The following PTPRG variants were observed in gnomAD, a reference collection of about 807,000 sequenced individuals.
PTPRG encodes the protein receptor-type tyrosine-protein phosphatase gamma.
In PTPRG, 102 loss-of-function variants were observed where a neutral mutation model predicts 165.3. That is an observed-to-expected ratio of 0.62 (90% CI 0.53 to 0.73). PTPRG has a LOEUF of 0.73. PTPRG is among the 30% of genes least tolerant of loss of function. The pLI is 0.00. For synonymous variants in PTPRG, 675 were observed against 669.5 expected, an observed-to-expected ratio of 1.01 and a Z score of -0.13; for missense variants, 1,866 against 1,861.4, an observed-to-expected ratio of 1.00 and a Z score of -0.05.
chr3:61,600,192 A>ATGTGTGTG (rs1258297289), intron 1 of PTPRG, among the ~76,000 whole-genome samples: 45 of 106,634 alleles, frequency 4.2e-4, no homozygotes, highest in African/African-American at 1.4e-3. Flanking sequence ...ATATATATAT[A>ATGTGTGTG]TGTGTGTGTG....
At chr3:62,155,877 C>T (rs894177465) in intron 6 of PTPRG, among the ~76,000 whole-genome samples, 2 of 152,072 alleles carry the variant, frequency 1.3e-5, no homozygotes, top group African/African-American at 4.8e-5. Context: ...TATGAGGTCA[C>T]CTGGAACCCT....
chr3:61,621,051 A>ATATATATATATATATATGTGTG lies in PTPRG; in HGVS notation c.85+58680_85+58681insATATATATATATATATGTGTGT. ...TGTGTGTGTATATATATATATATAT[A>ATATATATATATATATATGTGTG]TGTGTGTGTGTGTGTGTGTGTGTGT... On this transcript the variant is annotated intron_variant, in intron 1 of 29. Coordinates refer to ENST00000474889, the MANE Select transcript of PTPRG (RefSeq NM_002841.4). Among the ~76,000 whole-genome samples, 21 of 117,988 alleles carry ATATATATATATATATATGTGTG rather than the reference A, an allele frequency of 1.8e-4. No individual in the cohort carries two copies. The East Asian group carries it at 2.5e-3, about 14-fold the overall frequency. The allele number at this position is 117,988 out of a possible 152,430, so 77.4% of individuals were successfully genotyped here.
intron 5 of PTPRG, among the ~76,000 whole-genome samples, chr3:62,101,527 G>C (rs1305196353): frequency 1.3e-5 from 2 of 152,144 alleles, no homozygotes; most frequent in East Asian, 1.9e-4. Flanking sequence ...ACACTTCACT[G>C]TCTTACCCTT....
intron 5 of PTPRG, among the ~76,000 whole-genome samples, chr3:62,131,247 C>T (rs1703502781): frequency 6.6e-6 from 1 of 152,126 alleles, no homozygotes; most frequent in African/African-American, 2.4e-5. Flanking sequence ...CCTCCCACTG[C>T]TATGTGACAA....
At chr3:61,669,087 T>G (rs1702892448) in intron 1 of PTPRG, among the ~76,000 whole-genome samples, 1 of 152,208 alleles carries the variant, frequency 6.6e-6, no homozygotes, top group Non-Finnish European at 1.5e-5. Context: ...TGACATTACC[T>G]TCTAGGGCCT....
intron 5 of PTPRG, among the ~76,000 whole-genome samples, chr3:62,094,289 G>T (rs1393610888): frequency 3.9e-5 from 6 of 152,058 alleles, no homozygotes; most frequent in Non-Finnish European, 8.8e-5. Flanking sequence ...CTAGGGTAGG[G>T]TCAGCCACTC....
At chr3:61,587,994 A>G (rs920763929) in intron 1 of PTPRG, among the ~76,000 whole-genome samples, 3 of 151,066 alleles carry the variant, frequency 2.0e-5, no homozygotes, top group African/African-American at 7.3e-5. Context: ...CTGGTCCAGG[A>G]TCCAAATCCA....
chr3:61,811,699 A>G (rs1346589931), intron 2 of PTPRG, among the ~76,000 whole-genome samples: 1 of 152,220 alleles, frequency 6.6e-6, no homozygotes, highest in Admixed American at 6.5e-5. Flanking sequence ...AATATGCATT[A>G]TTAGACTTAA....
intron 3 of PTPRG, among the ~76,000 whole-genome samples, chr3:61,996,772 C>G (rs1337181737): frequency 1.3e-5 from 2 of 152,182 alleles, no homozygotes; most frequent in Admixed American, 6.5e-5. Flanking sequence ...CATTCTAATA[C>G]TATCCAGCTT....
rs17066185 is a variant in PTPRG at position 62,130,696 on chromosome 3, C to T, written c.616-1906C>T. ...TGGTTAGGTTCTCTTCTCTTGCATTCCTGAGCTGTAATTCCATTTTTGACC... is the reference window on the plus strand; with the variant it reads ...TGGTTAGGTTCTCTTCTCTTGCATTTCTGAGCTGTAATTCCATTTTTGACC... On this transcript the variant is annotated intron_variant, in intron 5 of 29. Coordinates refer to ENST00000474889, the MANE Select transcript of PTPRG (RefSeq NM_002841.4). 4.0e-3 allele frequency among the ~76,000 whole-genome samples: 611 copies of T among 152,298 alleles called. 4 individuals carry two copies. Among genetic ancestry groups the T allele is most frequent in the Middle Eastern group, 0.01 (3 of 294 alleles).
At chr3:61,630,477 C>CT (rs888888408) in intron 1 of PTPRG, among the ~76,000 whole-genome samples, 10 of 152,126 alleles carry the variant, frequency 6.6e-5, no homozygotes, top group African/African-American at 2.2e-4. Flanking sequence ...ATTAATATGA[C>CT]TTTTTTCCCA....
At chr3:62,276,761 C>T (rs1702244703) in intron 24 of PTPRG, 4 of 540,658 alleles carry the variant, frequency 7.4e-6, no homozygotes, top group Admixed American at 3.5e-5. Flanking sequence ...TGTATTCCTA[C>T]AATGCCTGTG....
intron 5 of PTPRG, among the ~76,000 whole-genome samples, chr3:62,125,067 T>C (rs913500194): frequency 3.9e-5 from 6 of 152,148 alleles, no homozygotes; most frequent in African/African-American, 1.2e-4. Context: ...GAGCCAGTGC[T>C]TATAATTTGA....
intron 1 of PTPRG, among the ~76,000 whole-genome samples, chr3:61,702,991 C>T (rs927013549): frequency 1.3e-5 from 2 of 152,158 alleles, no homozygotes; most frequent in African/African-American, 4.8e-5. Context: ...TGGTGCCTAC[C>T]ATAAGGGATA....
chr3:61,654,461 T>C (rs886663041), intron 1 of PTPRG, among the ~76,000 whole-genome samples: 1 of 152,086 alleles, frequency 6.6e-6, no homozygotes, highest in African/African-American at 2.4e-5. Flanking sequence ...CTCAGCTGAC[T>C]GCAGCCTCCG....
chr3:61,990,586 C>T (rs554502376), intron 3 of PTPRG, among the ~76,000 whole-genome samples: 57 of 152,336 alleles, frequency 3.7e-4, no homozygotes, highest in Non-Finnish European at 7.2e-4. Context: ...CCTTGCTGTG[C>T]TCCACTGTAC....
intron 4 of PTPRG, among the ~76,000 whole-genome samples, chr3:62,043,516 GATA>G (rs1380578487): frequency 6.6e-6 from 1 of 152,124 alleles, no homozygotes; most frequent in Admixed American, 6.5e-5. Flanking sequence ...AATAAACAAA[GATA>G]ATAAGAAGGC....
intron 5 of PTPRG, among the ~76,000 whole-genome samples, chr3:62,105,222 T>C (rs1702432537): frequency 6.6e-6 from 1 of 152,206 alleles, no homozygotes; most frequent in South Asian, 2.1e-4. Context: ...TAACATGTTT[T>C]AGTCATTGTC....
At chr3:61,793,858 C>T (rs1293164647) in intron 2 of PTPRG, among the ~76,000 whole-genome samples, 1 of 152,124 alleles carries the variant, frequency 6.6e-6, no homozygotes, top group African/African-American at 2.4e-5. Context: ...CTGTGAGAAT[C>T]ATCTGTTCTC....
Sources: allele counts gnomAD v4.1 joint callset (sites outside exome capture counted in the v4.1 genomes callset), GRCh38; gene constraint gnomAD v4.1.1; transcripts MANE v1.5; gene names NCBI Gene and HGNC (gene_info 2026-07-23, HGNC 2026-07-21).